Variants in GRIK2 observed in about 807,000 individuals in gnomAD.
GRIK2 encodes the protein glutamate receptor ionotropic, kainate 2.
A neutral mutation model predicts 100.3 loss-of-function variants in GRIK2; 32 were observed. The ratio of observed to expected loss-of-function variants is 0.32; its 90% CI spans 0.24 to 0.43. GRIK2 has a LOEUF of 0.43. Among genes scored for constraint, GRIK2 ranks in the 20% least tolerant of loss-of-function variants. The pLI is 1.00. For missense variants in GRIK2, 843 were observed against 1,114.9 expected (o/e 0.76, Z 3.47); for synonymous variants, 417 against 389.4 (o/e 1.07, Z -0.83).
At chr6:101,913,664 A>C (rs879344018) in intron 12 of GRIK2, among the ~76,000 whole-genome samples, 1 of 151,506 alleles carries the variant, frequency 6.6e-6, no homozygotes, top group Non-Finnish European at 1.5e-5. Context: ...TGTATCATCC[A>C]ATAAGTGAAT....
intron 4 of GRIK2, among the ~76,000 whole-genome samples, chr6:101,644,047 C>T (rs1460156488): frequency 1.3e-5 from 2 of 151,628 alleles, no homozygotes; most frequent in Admixed American, 1.3e-4. Flanking sequence ...ACTTTATATA[C>T]TGATGACATA....
intron 14 of GRIK2, among the ~76,000 whole-genome samples, chr6:101,997,620 A>G (rs1482880537): frequency 1.3e-5 from 2 of 152,058 alleles, no homozygotes; most frequent in Non-Finnish European, 2.9e-5. Context: ...CACAGTGTTA[A>G]TTCATTCCTA....
intron 2 of GRIK2, among the ~76,000 whole-genome samples, chr6:101,436,728 C>T (rs1582448662): frequency 1.3e-5 from 2 of 151,356 alleles, no homozygotes; most frequent in South Asian, 4.1e-4. Flanking sequence ...GTTTTCCTTT[C>T]TTATTTTATA....
At chr6:101,448,784 C>T (rs1770511684) in intron 2 of GRIK2, among the ~76,000 whole-genome samples, 1 of 151,540 alleles carries the variant, frequency 6.6e-6, no homozygotes, top group African/African-American at 2.4e-5. Flanking sequence ...ATTTAAAATA[C>T]AAGCATTAGA....
chr6:101,413,901 A>G (rs1279101937), intron 2 of GRIK2, among the ~76,000 whole-genome samples: 2 of 151,994 alleles, frequency 1.3e-5, no homozygotes, highest in Non-Finnish European at 2.9e-5. Context: ...TTATTTATAC[A>G]AGCAACCAGT....
chr6:102,018,491 C>A (rs1261580074), intron 14 of GRIK2, among the ~76,000 whole-genome samples: 1 of 152,134 alleles, frequency 6.6e-6, no homozygotes, highest in Non-Finnish European at 1.5e-5. Context: ...TGCACCATGA[C>A]TGGGTTCCCC....
At chr6:101,656,372 C>A (rs1468655547) in intron 4 of GRIK2, among the ~76,000 whole-genome samples, 1 of 149,016 alleles carries the variant, frequency 6.7e-6, no homozygotes, top group Non-Finnish European at 1.5e-5. Context: ...ATATTCAAGA[C>A]AATAGCAATG....
At chr6:101,750,282 T>C (rs895223976) in intron 7 of GRIK2, among the ~76,000 whole-genome samples, 1 of 152,184 alleles carries the variant, frequency 6.6e-6, no homozygotes. Context: ...GGGCTAGGAT[T>C]TGAACATAAG....
intron 2 of GRIK2, among the ~76,000 whole-genome samples, chr6:101,479,467 C>A (rs1772414104): frequency 6.6e-6 from 1 of 152,126 alleles, no homozygotes; most frequent in South Asian, 2.1e-4. Flanking sequence ...AATAGTCCTA[C>A]ATACCAATTA....
chr6:101,394,177 C>T (rs970874202), intron 1 of GRIK2, among the ~76,000 whole-genome samples: 4 of 152,204 alleles, frequency 2.6e-5, no homozygotes, highest in Non-Finnish European at 5.9e-5. Context: ...GAGAATGAGA[C>T]AGATGGCAAG....
At chr6:101,998,190 T>C (rs775191462) in intron 14 of GRIK2, among the ~76,000 whole-genome samples, 1 of 152,128 alleles carries the variant, frequency 6.6e-6, no homozygotes, top group African/African-American at 2.4e-5. Flanking sequence ...TAAAATTTTA[T>C]ATAAATCAAA....
intron 12 of GRIK2, among the ~76,000 whole-genome samples, chr6:101,908,458 A>G (rs1406348355): frequency 1.3e-5 from 2 of 151,272 alleles, no homozygotes; most frequent in African/African-American, 4.8e-5. Flanking sequence ...GTTGTAGTCA[A>G]TTTACCTATT....
At chr6:101,537,221 T>A (rs925128862) in intron 2 of GRIK2, among the ~76,000 whole-genome samples, 1 of 151,828 alleles carries the variant, frequency 6.6e-6, no homozygotes, top group Non-Finnish European at 1.5e-5. Flanking sequence ...TATTAAATAT[T>A]ATTCTTTCAA....
At chr6:102,016,091 A>AGAG (rs543733485) in intron 14 of GRIK2, among the ~76,000 whole-genome samples, 5,599 of 152,282 alleles carry the variant, frequency 0.037, 189 homozygotes, top group African/African-American at 0.077. Context: ...TCAAAAAACT[A>AGAG]GAGTGTGTTT....
In GRIK2 at chr6:101,395,337, T is replaced by C. The variant is rs547495710; in HGVS notation, c.-294+1500T>C. ...TCAAATGTCACATAACAGCAGGACT[T>C]CCGTGACAAGTCAAGTGGAATCCTT... is the stretch of plus-strand genomic sequence containing the variant. On this transcript the variant is annotated intron_variant, in intron 1 of 16. Coordinates refer to ENST00000369134, the MANE Select transcript of GRIK2 (RefSeq NM_021956.5). Among the ~76,000 whole-genome samples the C allele has an allele frequency of 4.6e-5, 7 of 152,338 alleles. No homozygotes were observed. In the South Asian group the frequency reaches 1.4e-3, roughly 32 times the overall value.
At position 101,984,614 on chromosome 6, in the gene GRIK2, A is replaced by AACACACACACACACACAC. The variant is rs10678285; in HGVS notation, c.2086-50702_2086-50685dup. Among the ~76,000 whole-genome samples the AACACACACACACACACAC allele has an allele frequency of 7.9e-3, 1,019 of 129,190 alleles. 18 individuals carry two copies. Among genetic ancestry groups the AACACACACACACACACAC allele is most frequent in the East Asian group, 0.019 (77 of 4,088 alleles). The allele number at this position is 129,190 out of a possible 152,430, so 84.8% of individuals were successfully genotyped here. ...TTATATGTGCAGGAATACACATTAAAACACACACACACACACACACACACA... is the reference window on the plus strand; with the variant it reads ...TTATATGTGCAGGAATACACATTAAAACACACACACACACACACACACACACACACACACACACACACA... On this transcript the variant is annotated intron_variant, in intron 14 of 16. Coordinates refer to ENST00000369134, the MANE Select transcript of GRIK2 (RefSeq NM_021956.5).
At chr6:101,810,338 A>G (rs549736163) in intron 9 of GRIK2, among the ~76,000 whole-genome samples, 4 of 152,160 alleles carry the variant, frequency 2.6e-5, no homozygotes, top group East Asian at 3.9e-4. Flanking sequence ...AAAATCTTAA[A>G]TGAGAAAAAT....
intron 2 of GRIK2, among the ~76,000 whole-genome samples, chr6:101,581,884 A>C (rs925857622): frequency 4.6e-5 from 7 of 152,062 alleles, no homozygotes; most frequent in African/African-American, 1.7e-4. Flanking sequence ...ATTTCAGACA[A>C]AAAAGATGGT....
chr6:101,542,603 A>G (rs1171615775), intron 2 of GRIK2, among the ~76,000 whole-genome samples: 1 of 152,152 alleles, frequency 6.6e-6, no homozygotes, highest in East Asian at 1.9e-4. Flanking sequence ...AGTATTTAAA[A>G]TATTATGCAT....
Sources: gnomAD v4.1 joint callset for allele counts (sites outside exome capture counted in the v4.1 genomes callset) on GRCh38, gnomAD v4.1.1 for gene constraint, MANE v1.5 for transcripts, NCBI Gene and HGNC (gene_info 2026-07-23, HGNC 2026-07-21) for gene names.